DLG2: variants seen among roughly 807,000 people sequenced by gnomAD.
The protein encoded by DLG2 is discs large MAGUK scaffold protein 2, also known as disks large homolog 2.
DLG2 carries 45 observed loss-of-function variants against 132.5 expected under a neutral mutation model. That is an observed-to-expected ratio of 0.34 (90% CI 0.27 to 0.44). The LOEUF is 0.44. Ranked by LOEUF, DLG2 falls within the 20% of genes least tolerant of loss-of-function variation. The pLI is 1.00. For synonymous variants in DLG2, 424 were observed against 419.6 expected (o/e 1.01, Z -0.13); for missense variants, 1,045 against 1,196.9 (o/e 0.87, Z 1.87).
At chr11:85,198,923 C>A (rs992653515) in intron 4 of DLG2, among the ~76,000 whole-genome samples, 1 of 152,158 alleles carries the variant, frequency 6.6e-6, no homozygotes, top group Admixed American at 6.5e-5. Flanking sequence ...AAAAGTTCCT[C>A]TGTTATCCTA....
chr11:84,247,985 A>G (rs990195242), intron 8 of DLG2, among the ~76,000 whole-genome samples: 2 of 152,226 alleles, frequency 1.3e-5, no homozygotes, highest in Non-Finnish European at 2.9e-5. Flanking sequence ...AAAATGCCCT[A>G]GGGAACTCTG....
chr11:85,471,408 C>T lies in DLG2; in HGVS notation c.40+127249G>A, dbSNP rs529742576. Among the ~76,000 whole-genome samples the T allele has an allele frequency of 1.0e-3, 154 of 151,802 alleles. No homozygotes were observed. The Middle Eastern group carries it at 0.01, about 10-fold the overall frequency. On this transcript the variant is annotated intron_variant, in intron 3 of 27. Coordinates refer to ENST00000376104, the MANE Select transcript of DLG2 (RefSeq NM_001142699.3). ...AATGGAAGGATGAGCAGCCCAGGAA[C>T]TTGAAAAAAGGGAACAATCTGAAAA...
At chr11:83,583,520 C>T (rs7130831) in intron 19 of DLG2, among the ~76,000 whole-genome samples, 3,147 of 152,314 alleles carry the variant, frequency 0.021, 125 homozygotes, top group African/African-American at 0.072. Context: ...AACTGACTCT[C>T]AGCTTCTTTA....
rs74372010 is a variant in DLG2 at position 84,696,134 on chromosome 11, T to C, written c.358-161403A>G. On this transcript the variant is annotated intron_variant, in intron 6 of 27. Coordinates refer to ENST00000376104, the MANE Select transcript of DLG2 (RefSeq NM_001142699.3). ...AAGTAGAAGGTCTGGGAGGAATGAA[T>C]GGTCTGGTAGGTAAAAAGTCACGGA... 3.0e-3 allele frequency among the ~76,000 whole-genome samples: 453 copies of C among 151,590 alleles called. 15 individuals are homozygous for C. The East Asian group carries it at 0.074, about 25-fold the overall frequency.
At chr11:83,850,930 A>C (rs1419168335) in intron 16 of DLG2, among the ~76,000 whole-genome samples, 3 of 152,070 alleles carry the variant, frequency 2.0e-5, no homozygotes, top group African/African-American at 7.2e-5. Flanking sequence ...TAATCCCACT[A>C]CTTTGGGAGG....
chr11:84,221,154 G>A (rs1256341238), intron 8 of DLG2, among the ~76,000 whole-genome samples: 1 of 151,710 alleles, frequency 6.6e-6, no homozygotes, highest in East Asian at 1.9e-4. Context: ...AAATCAAAAC[G>A]CCTGTATCTG....
intron 7 of DLG2, among the ~76,000 whole-genome samples, chr11:84,484,644 T>C (rs2099146348): frequency 1.3e-5 from 2 of 152,182 alleles, no homozygotes; most frequent in Non-Finnish European, 2.9e-5. Flanking sequence ...GCTTTACTAT[T>C]ATGAAGCAAT....
At chr11:85,135,175 T>G (rs1256037763) in intron 5 of DLG2, among the ~76,000 whole-genome samples, 5 of 152,230 alleles carry the variant, frequency 3.3e-5, no homozygotes, top group African/African-American at 7.2e-5. Context: ...TACTGCCATA[T>G]TCATGTTCAA....
At chr11:84,488,183 T>A (rs1479620543) in intron 7 of DLG2, among the ~76,000 whole-genome samples, 1 of 152,022 alleles carries the variant, frequency 6.6e-6, no homozygotes, top group Non-Finnish European at 1.5e-5. Context: ...GTTTTTAGAA[T>A]TAGAAAACAA....
chr11:84,407,626 G>A (rs528314555), intron 7 of DLG2, among the ~76,000 whole-genome samples: 21 of 152,114 alleles, frequency 1.4e-4, no homozygotes, highest in Non-Finnish European at 2.6e-4. Flanking sequence ...GAAAAAAAGA[G>A]GGCCTTGACA....
rs1258759198 is a variant in DLG2, at chr11:84,961,819, G to C, written c.357+149842C>G. On this transcript the variant is annotated intron_variant, in intron 6 of 27. Transcript: ENST00000376104. ...AGTATAATGACAGACAAAACTAAAA[G>C]GTCTGTAGCTGAAACTGAAGAAAGG... is the stretch of plus-strand genomic sequence containing the variant. Among the ~76,000 whole-genome samples the C allele has an allele frequency of 2.0e-5, 3 of 152,194 alleles. No homozygotes were observed. The East Asian group carries it at 5.8e-4, about 29-fold the overall frequency.
chr11:83,472,186 A>C (rs919667), intron 23 of DLG2, among the ~76,000 whole-genome samples: 2 of 152,086 alleles, frequency 1.3e-5, no homozygotes, highest in African/African-American at 4.8e-5. Flanking sequence ...ACTTTGCTAC[A>C]GTTTCTAGAT....
At chr11:83,613,690 G>T (rs1164175809) in intron 19 of DLG2, among the ~76,000 whole-genome samples, 1 of 152,090 alleles carries the variant, frequency 6.6e-6, no homozygotes. Flanking sequence ...AGACTTCCAT[G>T]CAAGAAATCT....
intron 9 of DLG2, among the ~76,000 whole-genome samples, chr11:84,149,165 A>G (rs2095204199): frequency 6.6e-6 from 1 of 152,008 alleles, no homozygotes; most frequent in Non-Finnish European, 1.5e-5. Flanking sequence ...CCATTCTGTA[A>G]GTTGGTTGTT....
chr11:84,314,418 C>A (rs1440291132), intron 7 of DLG2, among the ~76,000 whole-genome samples: 2 of 152,092 alleles, frequency 1.3e-5, no homozygotes, highest in Admixed American at 1.3e-4. Context: ...CATATAGGTA[C>A]ACACATGCTC....
intron 3 of DLG2, among the ~76,000 whole-genome samples, chr11:85,497,536 T>G (rs546224666): frequency 1.3e-5 from 2 of 152,198 alleles, no homozygotes; most frequent in East Asian, 3.9e-4. Context: ...TTCCCCAACC[T>G]GGCAAGTCAG....
intron 3 of DLG2, among the ~76,000 whole-genome samples, chr11:85,571,489 C>G (rs1271504153): frequency 6.6e-6 from 1 of 152,134 alleles, no homozygotes; most frequent in Non-Finnish European, 1.5e-5. Flanking sequence ...ACACCTTCAA[C>G]CCTCATGCAA....
rs1285417215 is a variant in DLG2 at position 84,881,566 on chromosome 11, A to T, written c.357+230095T>A. On this transcript the variant is annotated intron_variant, in intron 6 of 27. Transcript: ENST00000376104. ...TGACATTTGGGGCACATGATTGTGC[A>T]CAATTGTCTCACACCCTGTTGGATG... Among the ~76,000 whole-genome samples, 4 of 152,102 alleles carry T rather than the reference A, an allele frequency of 2.6e-5. No individual in the cohort carries two copies. In the East Asian group the frequency reaches 7.7e-4, roughly 29 times the overall value.
At chr11:83,997,073 G>A (rs1215420154) in intron 11 of DLG2, among the ~76,000 whole-genome samples, 1 of 150,772 alleles carries the variant, frequency 6.6e-6, no homozygotes, top group Non-Finnish European at 1.5e-5. Flanking sequence ...AATATCTCAT[G>A]TACCCCGTAA....
Sources: gnomAD v4.1 joint callset for allele counts (sites outside exome capture counted in the v4.1 genomes callset) on GRCh38, gnomAD v4.1.1 for gene constraint, MANE v1.5 for transcripts, NCBI Gene and HGNC (gene_info 2026-07-23, HGNC 2026-07-21) for gene names.